CSMD2: variants seen among roughly 807,000 people sequenced by gnomAD.
The protein encoded by CSMD2 is CUB and sushi domain-containing protein 2.
In CSMD2, 130 loss-of-function variants were observed where a neutral mutation model predicts 398.5. That is an observed-to-expected ratio of 0.33 (90% CI 0.28 to 0.38). The LOEUF is 0.38. Ranked by LOEUF, CSMD2 falls within the 10% of genes least tolerant of loss-of-function variation. The probability of loss-of-function intolerance (pLI) is 1.00; values close to 1 mark genes in which losing one functional copy is unlikely to be tolerated. For synonymous variants in CSMD2, 1,828 were observed against 1,908.5 expected (o/e 0.96, Z 1.10); for missense variants, 3,829 against 4,764.9 (o/e 0.80, Z 5.78).
chr1:33,692,253 T>C (rs1170362779), intron 25 of CSMD2, among the ~76,000 whole-genome samples: 2 of 152,190 alleles, frequency 1.3e-5, no homozygotes, highest in Non-Finnish European at 2.9e-5. Context: ...TGGAAGGAAG[T>C]TACATTTTGA....
intron 5 of CSMD2, among the ~76,000 whole-genome samples, chr1:33,847,535 T>G (rs1362449602): frequency 6.6e-6 from 1 of 151,898 alleles, no homozygotes; most frequent in Non-Finnish European, 1.5e-5. Flanking sequence ...CCCTAAGAGT[T>G]TGTAGGAATA....
intron 1 of CSMD2, among the ~76,000 whole-genome samples, chr1:34,102,961 C>A (rs1660129805): frequency 6.6e-6 from 1 of 152,142 alleles, no homozygotes; most frequent in South Asian, 2.1e-4. Context: ...GAGAGTGGGG[C>A]ACCATTTTTT....
chr1:33,649,013 A>C (rs1308806102), intron 28 of CSMD2, among the ~76,000 whole-genome samples: 3 of 152,216 alleles, frequency 2.0e-5, no homozygotes, highest in African/African-American at 7.2e-5. Flanking sequence ...GATGGAGTTT[A>C]TGTTGAGTAA....
intron 70 of CSMD2, among the ~76,000 whole-genome samples, chr1:33,517,355 C>G (rs1034037281): frequency 6.6e-6 from 1 of 152,096 alleles, no homozygotes; most frequent in Non-Finnish European, 1.5e-5. Flanking sequence ...CAACCCCAGC[C>G]GACCCGGAGG....
At chr1:33,897,827 G>A (rs185816716) in intron 5 of CSMD2, among the ~76,000 whole-genome samples, 42 of 152,336 alleles carry the variant, frequency 2.8e-4, no homozygotes, top group Admixed American at 2.4e-3. Context: ...GGCCCTCCAT[G>A]GGCAAGGTGG....
At chr1:33,602,729 C>T (rs565843968) in intron 42 of CSMD2, among the ~76,000 whole-genome samples, 183 bp from the exon 43 acceptor site, 216 of 152,322 alleles carry the variant, frequency 1.4e-3, no homozygotes, top group African/African-American at 4.9e-3. Context: ...AGTCCCCACA[C>T]AGAACACCCT....
chr1:33,695,091 A>G (rs937324019), intron 24 of CSMD2, among the ~76,000 whole-genome samples: 1 of 152,164 alleles, frequency 6.6e-6, no homozygotes. Context: ...GCAAGAGTTG[A>G]CCAGGTCGGT....
At chr1:33,844,025 A>T (rs1661118205) in intron 6 of CSMD2, among the ~76,000 whole-genome samples, 1 of 151,662 alleles carries the variant, frequency 6.6e-6, no homozygotes, top group Non-Finnish European at 1.5e-5. Context: ...CTCCACCCTC[A>T]CCTCTGTACA....
chr1:33,899,044 G>A (rs1009446247), intron 5 of CSMD2, among the ~76,000 whole-genome samples: 1 of 152,198 alleles, frequency 6.6e-6, no homozygotes, highest in African/African-American at 2.4e-5. Context: ...TAAATGAAAA[G>A]GGTTATCTGG....
At chr1:34,107,343 A>G (rs1414295755) in intron 1 of CSMD2, among the ~76,000 whole-genome samples, 1 of 152,158 alleles carries the variant, frequency 6.6e-6, no homozygotes, top group Non-Finnish European at 1.5e-5. Flanking sequence ...TCCTGCCCTC[A>G]TGGAGCTTAC....
chr1:34,002,927 G>A (rs957767220), intron 3 of CSMD2, among the ~76,000 whole-genome samples: 4 of 152,210 alleles, frequency 2.6e-5, no homozygotes, highest in Admixed American at 6.5e-5. Flanking sequence ...AATGAGCCCT[G>A]GATCTGCAGT....
intron 3 of CSMD2, among the ~76,000 whole-genome samples, chr1:34,000,591 CA>C (rs1558228533): frequency 6.6e-6 from 1 of 151,074 alleles, no homozygotes; most frequent in Middle Eastern, 3.4e-3. Flanking sequence ...TGGTCCAACT[CA>C]AAAAAAGGGA....
intron 44 of CSMD2, chr1:33,600,158 G>A: frequency 1.4e-6 from 1 of 716,016 alleles, no homozygotes. Context: ...AGGGACCTGT[G>A]CAAGGTTTTA....
intron 3 of CSMD2, among the ~76,000 whole-genome samples, chr1:33,995,132 G>A (rs1282807930): frequency 2.0e-5 from 3 of 152,014 alleles, no homozygotes; most frequent in African/African-American, 7.2e-5. Flanking sequence ...GAACCCAATG[G>A]GTTCTTTGCA....
At chr1:34,063,085 GA>G (rs1240674354) in intron 2 of CSMD2, among the ~76,000 whole-genome samples, 1 of 152,068 alleles carries the variant, frequency 6.6e-6, no homozygotes, top group Non-Finnish European at 1.5e-5. Context: ...CAGTATGGGG[GA>G]AACCGCCCCC....
At chr1:33,777,555 C>T (rs763121931) in intron 12 of CSMD2, among the ~76,000 whole-genome samples, 4 of 152,196 alleles carry the variant, frequency 2.6e-5, no homozygotes, top group Non-Finnish European at 4.4e-5. Flanking sequence ...CCAAGTCTGA[C>T]GTCAGGACCC....
intron 1 of CSMD2, among the ~76,000 whole-genome samples, chr1:34,099,454 T>C (rs967613595): frequency 1.1e-4 from 17 of 152,364 alleles, no homozygotes; most frequent in Non-Finnish European, 2.2e-4. Flanking sequence ...CAATGAAATA[T>C]CAACATTCAC....
At chr1:33,740,948 CAAA>C (rs1647039886) in intron 14 of CSMD2, among the ~76,000 whole-genome samples, 2 of 152,180 alleles carry the variant, frequency 1.3e-5, no homozygotes, top group African/African-American at 4.8e-5. Context: ...TGTACCTTTC[CAAA>C]CCTCAGTTTT....
At chr1:34,035,701 T>G (rs1291628625) in intron 2 of CSMD2, among the ~76,000 whole-genome samples, 3 of 138,984 alleles carry the variant, frequency 2.2e-5, no homozygotes, top group African/African-American at 8.0e-5. Flanking sequence ...AACCTACAAA[T>G]AGAGGGTAAG....
Sources: gnomAD v4.1 joint callset for allele counts (sites outside exome capture counted in the v4.1 genomes callset) on GRCh38, gnomAD v4.1.1 for gene constraint, MANE v1.5 for transcripts, NCBI Gene and HGNC (gene_info 2026-07-23, HGNC 2026-07-21) for gene names.